Variants in PIK3C2A observed in about 807,000 individuals in gnomAD.
The protein encoded by PIK3C2A is phosphatidylinositol-4-phosphate 3-kinase catalytic subunit type 2 alpha.
In PIK3C2A, 97 loss-of-function variants were observed where a neutral mutation model predicts 204.5. The observed-to-expected ratio is 0.47, with a 90% CI of 0.40 to 0.56. The LOEUF is 0.56. PIK3C2A is among the 20% of genes least tolerant of loss of function. PIK3C2A has a pLI of 0.00. For missense variants in PIK3C2A, 1,735 were observed against 1,969.2 expected (o/e 0.88, Z 2.25); for synonymous variants, 653 against 664.4 (o/e 0.98, Z 0.26).
At position 17,145,729 on chromosome 11, in the gene PIK3C2A, T is replaced by A; in HGVS notation, c.1643A>T (p.His548Leu). The A allele has an allele frequency of 6.2e-7, 1 of 1,604,824 alleles. No homozygotes were observed. Among genetic ancestry groups the A allele is most frequent in the Non-Finnish European group, 8.5e-7 (1 of 1,171,936 alleles). ...EKPCKEAMTR[H>L]PVEELLDSYH... ...AGAATCTAAGAGTTCTTCAACAGGG[T>A]GTCTGAAAGAAACAACAGTTATTGT... Residue 548 changes from histidine (H) to leucine (L), a missense_variant and splice_region_variant, in exon 8 of 33, where the codon CAC (histidine) becomes CTC (leucine). Physicochemically the swap from His to Leu is moderately conservative, Grantham distance 99. Coordinates refer to ENST00000691414, the MANE Select transcript of PIK3C2A (RefSeq NM_002645.4).
At chr11:17,163,118 C>G (rs1007180628) in intron 2 of PIK3C2A, among the ~76,000 whole-genome samples, 4 of 152,096 alleles carry the variant, frequency 2.6e-5, no homozygotes, top group African/African-American at 9.7e-5. Flanking sequence ...CCAGCCTAGT[C>G]AACATGGTGT....
In PIK3C2A at chr11:17,089,674, T is replaced by TGCATGTATGC. The variant is rs1848242326; in HGVS notation, c.*63_*64insGCATACATGC. On this transcript the variant is annotated 3_prime_UTR_variant, in exon 33 of 33. Transcript: ENST00000691414. ...AAGTGTGTGTGTGTGTGTCTGTGTG[T>TGCATGTATGC]GTGTGCATGTATGCATGCACGTTTA... is the stretch of plus-strand genomic sequence containing the variant. 2.2e-6 allele frequency: 2 copies of TGCATGTATGC among 900,744 alleles called. No homozygotes were observed. The highest frequency in any genetic ancestry group is 4.9e-5 in the East Asian group (2 of 40,598). 55.8% of individuals were successfully genotyped at this position (900,744 alleles called of 1,614,324 possible).
rs1475718531 is a variant in PIK3C2A, at chr11:17,089,619, C to T, written c.*119G>A. 1.6e-6 allele frequency: 1 copy of T among 631,232 alleles called. No individual in the cohort carries two copies. Among genetic ancestry groups the T allele is most frequent in the Non-Finnish European group, 2.7e-6 (1 of 369,280 alleles). 39.1% of individuals were successfully genotyped at this position (631,232 alleles called of 1,614,324 possible). A position where few individuals can be genotyped will look rare whatever the true frequency, so the allele number is the denominator to read the frequency against. On this transcript the variant is annotated 3_prime_UTR_variant, in exon 33 of 33. Coordinates refer to ENST00000691414, the MANE Select transcript of PIK3C2A (RefSeq NM_002645.4). Reference sequence around the variant, plus strand: ...GTATATTTAACTTTATAAGTTCTGTCCAAGTATAAAAATACTATACAAAAT... The same window carrying T: ...GTATATTTAACTTTATAAGTTCTGTTCAAGTATAAAAATACTATACAAAAT...
chr11:17,093,760 C>A (rs938728254), intron 28 of PIK3C2A, among the ~76,000 whole-genome samples: 1 of 151,966 alleles, frequency 6.6e-6, no homozygotes, highest in Non-Finnish European at 1.5e-5. Context: ...ACTTCAGCCT[C>A]CTGAGTAGCT....
chr11:17,122,178 C>T lies in PIK3C2A; in HGVS notation c.2657+10G>A, dbSNP rs957948921. 2.6e-6 allele frequency: 4 copies of T among 1,565,196 alleles called. No individual in the cohort carries two copies. In the African/African-American group the frequency reaches 5.4e-5, roughly 21 times the overall value. On this transcript the variant is annotated intron_variant, in intron 15 of 32. Coordinates refer to ENST00000691414, the MANE Select transcript of PIK3C2A (RefSeq NM_002645.4). Reference sequence around the variant, plus strand: ...GATACTTAGCCCAAAACAGAATAAACAGAACATACCCAAGTGATGAGTCTT... The same window carrying T: ...GATACTTAGCCCAAAACAGAATAAATAGAACATACCCAAGTGATGAGTCTT...
intron 19 of PIK3C2A, among the ~76,000 whole-genome samples, chr11:17,116,871 G>A (rs1849211661): frequency 6.6e-6 from 1 of 152,084 alleles, no homozygotes; most frequent in Admixed American, 6.5e-5. Flanking sequence ...TTACAGGCAT[G>A]AGCCACCACG....
chr11:17,180,531 A>C (rs1160688191), intron 1 of PIK3C2A, among the ~76,000 whole-genome samples: 2 of 151,342 alleles, frequency 1.3e-5, no homozygotes, highest in Non-Finnish European at 2.9e-5. Context: ...CAAAAAACAA[A>C]AAAAAAAAGG....
intron 1 of PIK3C2A, among the ~76,000 whole-genome samples, chr11:17,177,823 T>C (rs979975558): frequency 4.6e-5 from 7 of 152,322 alleles, no homozygotes; most frequent in Middle Eastern, 3.4e-3. Flanking sequence ...CCAGTAGCGA[T>C]GGCTCATGCC....
chr11:17,097,184 C>T lies in PIK3C2A; in HGVS notation c.4199G>A (p.Gly1400Asp), dbSNP rs766759318. Residue 1400 changes from glycine (G) to aspartate (D), a missense_variant, in exon 27 of 33, where the codon GGT (glycine) becomes GAT (aspartate). By Grantham distance (94) the Gly-to-Asp change is moderately conservative. This residue lies in a region of PIK3C2A where 503 missense variants were observed against 669.0 expected (regional missense o/e 0.75). Transcript: ENST00000691414. ...IHNLAQLRFS[G>D]LPSNDEPILS... ...GATGGGCTCATCATTAGAAGGAAGACCAGAAAAACGAAGCTGAGCAAGGTT... is the reference window on the plus strand; with the variant it reads ...GATGGGCTCATCATTAGAAGGAAGATCAGAAAAACGAAGCTGAGCAAGGTT... The T allele has an allele frequency of 6.2e-7, 1 of 1,613,104 alleles. No individual in the cohort carries two copies. The highest frequency in any genetic ancestry group is 8.5e-7 in the Non-Finnish European group (1 of 1,179,330).
Position 17,104,724 on chromosome 11 carries a change from CAAAAAA to C in PIK3C2A, c.3681+439_3681+444del, listed in dbSNP as rs5789973. Among the ~76,000 whole-genome samples the C allele has an allele frequency of 1.5e-4, 13 of 87,388 alleles. No homozygotes were observed. The South Asian group carries it at 3.5e-3, about 23-fold the overall frequency. The allele number at this position is 87,388 out of a possible 152,430, so 57.3% of individuals were successfully genotyped here. On this transcript the variant is annotated intron_variant, in intron 23 of 32. Coordinates refer to ENST00000691414, the MANE Select transcript of PIK3C2A (RefSeq NM_002645.4). The stretch of plus-strand genomic sequence containing the variant: ...TGGGTGACAGAGTGAGACTCCATCT[CAAAAAA>C]AAAAAAAAAAAAAAAATTTGCATAA...
At position 17,091,469 on chromosome 11, in the gene PIK3C2A, A is replaced by ATAT; in HGVS notation, c.4753-11_4753-10insATA. On this transcript the variant is annotated splice_polypyrimidine_tract_variant and intron_variant, in intron 31 of 32. Coordinates refer to ENST00000691414, the MANE Select transcript of PIK3C2A (RefSeq NM_002645.4). ...CTCCATCTTCAGTAACCTAAAAAGAAAAGCAGTCCCTTAATAGTAATGCTT... is the reference window on the plus strand; with the variant it reads ...CTCCATCTTCAGTAACCTAAAAAGAATATAAGCAGTCCCTTAATAGTAATGCTT... The ATAT allele has an allele frequency of 6.2e-7, 1 of 1,611,070 alleles. No individual in the cohort carries two copies. The highest frequency in any genetic ancestry group is 8.5e-7 in the Non-Finnish European group (1 of 1,179,134).
intron 1 of PIK3C2A, among the ~76,000 whole-genome samples, chr11:17,193,160 C>G (rs1851999695): frequency 6.6e-6 from 1 of 152,144 alleles, no homozygotes; most frequent in South Asian, 2.1e-4. Context: ...ACTACCATGC[C>G]CTTGGACTTC....
intron 2 of PIK3C2A, among the ~76,000 whole-genome samples, chr11:17,167,314 A>G (rs1419578382): frequency 6.6e-6 from 1 of 152,028 alleles, no homozygotes; most frequent in Non-Finnish European, 1.5e-5. Flanking sequence ...AGACATCCAA[A>G]ATGTTTTTTT....
intron 1 of PIK3C2A, among the ~76,000 whole-genome samples, chr11:17,197,592 G>T (rs548903801): frequency 1.3e-5 from 2 of 152,264 alleles, no homozygotes; most frequent in South Asian, 2.1e-4. Flanking sequence ...GTATGTGGGA[G>T]GGGGACAAGG....
intron 1 of PIK3C2A, among the ~76,000 whole-genome samples, chr11:17,204,055 CAGAGCG>C (rs1852476950): frequency 6.6e-6 from 1 of 150,530 alleles, no homozygotes; most frequent in South Asian, 2.1e-4. Context: ...GCCTTGGCGA[CAGAGCG>C]AGACTCCGTC....
At position 17,198,099 on chromosome 11, in the gene PIK3C2A, T is replaced by C. The variant is rs149819478; in HGVS notation, c.-66+9749A>G. On this transcript the variant is annotated intron_variant, in intron 1 of 32. Coordinates refer to ENST00000691414, the MANE Select transcript of PIK3C2A (RefSeq NM_002645.4). ...GCAAGCAAATATCAGACTTCCCTCTTATAAACTGTGTGATTTTTTTTTTTT... is the reference window on the plus strand; with the variant it reads ...GCAAGCAAATATCAGACTTCCCTCTCATAAACTGTGTGATTTTTTTTTTTT... 7.8e-3 allele frequency among the ~76,000 whole-genome samples: 1,082 copies of C among 139,510 alleles called. 23 individuals are homozygous for C. The highest frequency in any genetic ancestry group is 0.028 in the African/African-American group (1,033 of 37,232). 91.5% of individuals were successfully genotyped at this position (139,510 alleles called of 152,430 possible). A position where few individuals can be genotyped will look rare whatever the true frequency, so the allele number is the denominator to read the frequency against.
chr11:17,150,605 A>ATT lies in PIK3C2A; in HGVS notation c.1219_1220insAA (p.Leu407Ter). The change falls in exon 4 of 33, where the codon TTG becomes TAATG. Residue 407 changes from leucine (L) to a stop codon, truncating the protein, a stop_gained and frameshift_variant. Coordinates refer to ENST00000691414, the MANE Select transcript of PIK3C2A (RefSeq NM_002645.4). LOFTEE classifies it high-confidence loss of function. ...YTNHRTNPGY[L>*]LSPVTAQRNI... ...TCTTTGTGCTGTGACTGGACTTAACAAATAGCCTGGGTTTGTGCGGTGATT... is the reference window on the plus strand; with the variant it reads ...TCTTTGTGCTGTGACTGGACTTAACATTAATAGCCTGGGTTTGTGCGGTGATT... 1 of 1,611,734 alleles carries ATT rather than the reference A, an allele frequency of 6.2e-7. No homozygotes were observed. Among genetic ancestry groups the ATT allele is most frequent in the Non-Finnish European group, 8.5e-7 (1 of 1,178,738 alleles).
At chr11:17,132,471 A>C (rs1247247067) in intron 11 of PIK3C2A, among the ~76,000 whole-genome samples, 1 of 151,364 alleles carries the variant, frequency 6.6e-6, no homozygotes, top group East Asian at 1.9e-4. Context: ...CTGGGACTAC[A>C]GGCGCCCGCC....
intron 1 of PIK3C2A, among the ~76,000 whole-genome samples, chr11:17,178,998 G>A (rs1334448828): frequency 2.6e-4 from 40 of 151,636 alleles, no homozygotes; most frequent in Non-Finnish European, 2.1e-4. Context: ...CAAAGTGCTG[G>A]GATTACAGGC....
Sources: allele counts gnomAD v4.1 joint callset (sites outside exome capture counted in the v4.1 genomes callset), GRCh38; gene constraint gnomAD v4.1.1; regional missense constraint gnomAD v4.1.1; transcripts MANE v1.5; gene names NCBI Gene and HGNC (gene_info 2026-07-23, HGNC 2026-07-21).